Variants in PCDHGA5 observed in about 807,000 individuals in gnomAD.
PCDHGA5 encodes the protein protocadherin gamma subfamily A, 5.
PCDHGA5 carries 36 observed loss-of-function variants against 56.7 expected under a neutral mutation model. The observed-to-expected ratio is 0.64, with a 90% CI of 0.49 to 0.84. The LOEUF (loss-of-function observed/expected upper bound fraction) is 0.84. PCDHGA5 is among the 40% of genes least tolerant of loss of function. The pLI, the probability that PCDHGA5 is intolerant of heterozygous loss-of-function variation, is 0.00. For missense variants in PCDHGA5, 1,305 were observed against 1,201.5 expected (o/e 1.09, Z -1.27); for synonymous variants, 563 against 520.2 (o/e 1.08, Z -1.12).
intron 1 of PCDHGA5, chr5:141,422,397 C>A (rs753017439): frequency 6.3e-6 from 10 of 1,597,488 alleles, no homozygotes; most frequent in African/African-American, 2.7e-5. Context: ...TTCCTAACCA[C>A]CTGCCTTTTA....
chr5:141,393,016 C>G, intron 1 of PCDHGA5: 1 of 1,613,872 alleles, frequency 6.2e-7, no homozygotes, highest in East Asian at 2.2e-5. Flanking sequence ...CGTATCGTCT[C>G]CAGAGGTAGG....
At position 141,431,869 on chromosome 5, in the gene PCDHGA5, T is replaced by C. The variant is rs140856757; in HGVS notation, c.2422-62938T>C. ...GAGGGACATTAATTGCCCTTTTAAA[T>C]GTAAATGACCAAGATTCTGAGGAAA... is the stretch of plus-strand genomic sequence containing the variant. On this transcript the variant is annotated intron_variant, in intron 1 of 3. Transcript: ENST00000518069. The surrounding 1 kb of genome is among the most constrained non-coding windows in gnomAD (Gnocchi z 4.8). 8.5e-4 allele frequency: 1,376 copies of C among 1,614,252 alleles called. 2 individuals carry two copies. Among genetic ancestry groups the C allele is most frequent in the Non-Finnish European group, 1.1e-3 (1,291 of 1,180,028 alleles).
chr5:141,447,449 C>A (rs2098539583), intron 1 of PCDHGA5, among the ~76,000 whole-genome samples: 1 of 152,058 alleles, frequency 6.6e-6, no homozygotes, highest in Non-Finnish European at 1.5e-5. Flanking sequence ...AAATTTTTAA[C>A]CTCAGTTTTT....
At chr5:141,496,588 C>T (rs775641672) in intron 2 of PCDHGA5, among the ~76,000 whole-genome samples, 9 of 152,280 alleles carry the variant, frequency 5.9e-5, no homozygotes, top group Non-Finnish European at 1.0e-4. Context: ...GAACGCAAAG[C>T]GCTTCTTAGA....
intron 1 of PCDHGA5, chr5:141,427,980 G>A (rs1398178738): frequency 6.3e-7 from 1 of 1,596,206 alleles, no homozygotes. Context: ...CCCCGCGCTG[G>A]GGCCCGATGG....
chr5:141,421,850 C>T, intron 1 of PCDHGA5: 1 of 1,613,752 alleles, frequency 6.2e-7, no homozygotes, highest in Non-Finnish European at 8.5e-7. Context: ...AAAGAGGCTG[C>T]TCACCTGCTC....
intron 1 of PCDHGA5, chr5:141,372,539 G>A: frequency 6.2e-7 from 1 of 1,614,050 alleles, no homozygotes; most frequent in Non-Finnish European, 8.5e-7. Flanking sequence ...CCCTGCGCCT[G>A]CGATGCTCCT....
At chr5:141,375,391 A>C in intron 1 of PCDHGA5, 1 of 1,613,938 alleles carries the variant, frequency 6.2e-7, no homozygotes, top group Non-Finnish European at 8.5e-7. Flanking sequence ...CTACAGAAAC[A>C]ATCATCTCTC....
chr5:141,409,226 G>A (rs753236012), intron 1 of PCDHGA5: 1 of 1,613,862 alleles, frequency 6.2e-7, no homozygotes, highest in African/African-American at 1.3e-5. Flanking sequence ...TGATGAAAAC[G>A]ACAACAGCCC....
At chr5:141,467,491 A>T (rs2154569531) in intron 1 of PCDHGA5, among the ~76,000 whole-genome samples, 1 of 152,224 alleles carries the variant, frequency 6.6e-6, no homozygotes, top group Admixed American at 6.5e-5. Flanking sequence ...CCACATTTAG[A>T]TCCCTGATCT....
At chr5:141,398,797 G>A (rs1338071296) in intron 1 of PCDHGA5, 2 of 1,613,898 alleles carry the variant, frequency 1.2e-6, no homozygotes, top group South Asian at 1.1e-5. Flanking sequence ...ACCCCTAAGC[G>A]GCACCACTGA....
intron 1 of PCDHGA5, chr5:141,382,959 G>T: frequency 6.2e-7 from 1 of 1,607,442 alleles, no homozygotes; most frequent in Non-Finnish European, 8.5e-7. Flanking sequence ...CCATCCTCCT[G>T]GGGACCCCCT....
chr5:141,371,682 C>G, intron 1 of PCDHGA5: 4 of 1,614,036 alleles, frequency 2.5e-6, no homozygotes, highest in Non-Finnish European at 2.5e-6. Flanking sequence ...CAAAGGCAAT[C>G]CACCGCTCTC....
rs778198822 is a variant in PCDHGA5 at position 141,432,802 on chromosome 5, A to G, written c.2422-62005A>G. 29 of 1,613,964 alleles carry G rather than the reference A, an allele frequency of 1.8e-5. No individual in the cohort carries two copies. The African/African-American group carries it at 3.6e-4, about 20-fold the overall frequency. On this transcript the variant is annotated intron_variant, in intron 1 of 3. Coordinates refer to ENST00000518069, the MANE Select transcript of PCDHGA5 (RefSeq NM_018918.3). This position sits in a 1 kb window ranked among gnomAD's most constrained non-coding sequence, Gnocchi z 6.0. ...CGGACCTCGGCAGCCTCGAGTCTCC[A>G]GCTAACTCTGAAACCTCAGACCTCA...
chr5:141,491,199 C>T lies in PCDHGA5; in HGVS notation c.2422-3608C>T. ...TGGTCCTGGTGAGGGACAATGGTGA[C>T]CCTTCACTCTCCTCCACAGCCACAG... On this transcript the variant is annotated intron_variant, in intron 1 of 3. Coordinates refer to ENST00000518069, the MANE Select transcript of PCDHGA5 (RefSeq NM_018918.3). The surrounding 1 kb of genome is among the most constrained non-coding windows in gnomAD (Gnocchi z 6.9). 1 of 1,614,190 alleles carries T rather than the reference C, an allele frequency of 6.2e-7. No homozygotes were observed. Among genetic ancestry groups the T allele is most frequent in the South Asian group, 1.1e-5 (1 of 91,086 alleles).
At chr5:141,398,177 T>C (rs2093620975) in intron 1 of PCDHGA5, 11 of 1,473,994 alleles carry the variant, frequency 7.5e-6, no homozygotes, top group African/African-American at 2.9e-5. Context: ...CTGCCAGTGC[T>C]CTTTCTCTTC....
chr5:141,453,423 C>T (rs931962019), intron 1 of PCDHGA5, among the ~76,000 whole-genome samples: 2 of 152,120 alleles, frequency 1.3e-5, no homozygotes, highest in African/African-American at 4.8e-5. Context: ...TAAGCCACCA[C>T]ACCTAGCCTA....
At chr5:141,395,186 G>C in intron 1 of PCDHGA5, 1 of 1,614,086 alleles carries the variant, frequency 6.2e-7, no homozygotes, top group Non-Finnish European at 8.5e-7. Context: ...ATGATTCTTT[G>C]TTAACATCCG....
intron 1 of PCDHGA5, chr5:141,384,316 T>C (rs1779949710): frequency 6.2e-7 from 1 of 1,613,858 alleles, no homozygotes; most frequent in Non-Finnish European, 8.5e-7. Context: ...CTCCATTTTC[T>C]TAGTGACTGC....
Sources: gnomAD v4.1 joint callset for allele counts (sites outside exome capture counted in the v4.1 genomes callset) on GRCh38, gnomAD v4.1.1 for gene constraint, Gnocchi (gnomAD v3.1) non-coding constraint, MANE v1.5 for transcripts, NCBI Gene and HGNC (gene_info 2026-07-23, HGNC 2026-07-21) for gene names.